The following BCAS3 variants were observed in gnomAD, a reference collection of about 807,000 sequenced individuals.
BCAS3 encodes BCAS4/BCAS3 fusion.
Under a neutral mutation model 116.1 loss-of-function variants are expected in BCAS3, and 53 were observed. The observed-to-expected ratio is 0.46, with a 90% CI of 0.37 to 0.57. The LOEUF is 0.57. BCAS3 is among the 20% of genes least tolerant of loss of function. The pLI is 0.00. For synonymous variants in BCAS3, 391 were observed against 408.2 expected, an observed-to-expected ratio of 0.96 and a Z score of 0.51; for missense variants, 917 against 1,165.4, an observed-to-expected ratio of 0.79 and a Z score of 3.10.
chr17:61,152,767 C>G (rs1382915730), intron 22 of BCAS3, among the ~76,000 whole-genome samples: 1 of 151,978 alleles, frequency 6.6e-6, no homozygotes, highest in Non-Finnish European at 1.5e-5. Flanking sequence ...TCTCCTTCCT[C>G]AAAGGACCCT....
chr17:61,311,183 A>C (rs1322003043), intron 22 of BCAS3, among the ~76,000 whole-genome samples: 1 of 152,198 alleles, frequency 6.6e-6, no homozygotes, highest in Non-Finnish European at 1.5e-5. Context: ...CACATATCTT[A>C]TGTGAATGTG....
Position 61,364,824 on chromosome 17 carries a change from CT to C in BCAS3, c.2426-3502del, listed in dbSNP as rs2058641862. On this transcript the variant is annotated intron_variant, in intron 22 of 23. Coordinates refer to ENST00000407086, the MANE Select transcript of BCAS3 (RefSeq NM_017679.5). This position sits in a 1 kb window ranked among gnomAD's most constrained non-coding sequence, Gnocchi z 5.4. ...AGAAACCCTTGTTCCAGATCTGTTG[CT>C]CAGAGACTTTGAACATGTCACGTAA... Among the ~76,000 whole-genome samples the C allele has an allele frequency of 6.6e-6, 1 of 152,232 alleles. No homozygotes were observed. Among genetic ancestry groups the C allele is most frequent in the Non-Finnish European group, 1.5e-5 (1 of 68,038 alleles).
intron 7 of BCAS3, among the ~76,000 whole-genome samples, chr17:60,839,904 A>G (rs1203687750): frequency 6.6e-6 from 1 of 152,194 alleles, no homozygotes; most frequent in Non-Finnish European, 1.5e-5. Context: ...CGCTTTTCCT[A>G]ATTTTGTTTC....
At position 60,962,450 on chromosome 17, in the gene BCAS3, T is replaced by C. The variant is rs2061458094; in HGVS notation, c.1221+15098T>C. On this transcript the variant is annotated intron_variant, in intron 14 of 23. Transcript: ENST00000407086. The surrounding 1 kb of genome is among the most constrained non-coding windows in gnomAD (Gnocchi z 4.4). ...GATGACTAGTGATGTTGAGCATTTT[T>C]TTTCATATACCTATTGGCCATTTGC... 6.6e-6 allele frequency among the ~76,000 whole-genome samples: 1 copy of C among 152,220 alleles called. No homozygotes were observed. Among genetic ancestry groups the C allele is most frequent in the Non-Finnish European group, 1.5e-5 (1 of 68,036 alleles).
chr17:61,040,001 G>A (rs537577454), intron 18 of BCAS3, among the ~76,000 whole-genome samples: 5 of 152,192 alleles, frequency 3.3e-5, no homozygotes, highest in South Asian at 2.1e-4. Context: ...CATCTCAAAC[G>A]TGCATAATGA....
chr17:60,797,778 G>C (rs1351303512), intron 6 of BCAS3, among the ~76,000 whole-genome samples: 1 of 152,084 alleles, frequency 6.6e-6, no homozygotes, highest in African/African-American at 2.4e-5. Context: ...GTGAGAACAC[G>C]TGGTGTTTTA....
intron 22 of BCAS3, among the ~76,000 whole-genome samples, chr17:61,176,579 AGAT>A (rs1466999467): frequency 2.0e-5 from 3 of 151,388 alleles, no homozygotes; most frequent in Non-Finnish European, 2.9e-5. Flanking sequence ...GTATTTAGAG[AGAT>A]GGTCTTGCTG....
intron 19 of BCAS3, among the ~76,000 whole-genome samples, chr17:61,043,929 T>C (rs764938985): frequency 6.6e-6 from 1 of 152,096 alleles, no homozygotes; most frequent in Non-Finnish European, 1.5e-5. Flanking sequence ...GAGGTGCTCA[T>C]TAAAATTTTC....
intron 22 of BCAS3, among the ~76,000 whole-genome samples, chr17:61,350,457 T>TAAA (rs2057767733): frequency 4.6e-5 from 7 of 150,554 alleles, no homozygotes; most frequent in East Asian, 3.9e-4. Context: ...AATAAATAAA[T>TAAA]TTTATTGTAT....
At chr17:61,275,548 C>T in intron 22 of BCAS3, among the ~76,000 whole-genome samples, 1 of 152,164 alleles carries the variant, frequency 6.6e-6, no homozygotes, top group South Asian at 2.1e-4. Flanking sequence ...GTCGCCCAGG[C>T]TGGAGTGCAG....
At chr17:60,937,260 T>C (rs2059984223) in intron 13 of BCAS3, among the ~76,000 whole-genome samples, 1 of 152,052 alleles carries the variant, frequency 6.6e-6, no homozygotes, top group African/African-American at 2.4e-5. Context: ...CTTCTCTGAA[T>C]GGTGCGTTTT....
At chr17:60,712,325 A>G (rs2038032112) in intron 5 of BCAS3, among the ~76,000 whole-genome samples, 1 of 151,900 alleles carries the variant, frequency 6.6e-6, no homozygotes, top group Non-Finnish European at 1.5e-5. Context: ...GCAGTGAGCC[A>G]TGATTATGCC....
chr17:61,163,083 A>G (rs915426378), intron 22 of BCAS3, among the ~76,000 whole-genome samples: 2 of 152,192 alleles, frequency 1.3e-5, no homozygotes, highest in Non-Finnish European at 2.9e-5. Context: ...TGTTGTTCCT[A>G]CTAAATGAGT....
intron 22 of BCAS3, among the ~76,000 whole-genome samples, chr17:61,093,717 A>T (rs2143611597): frequency 6.6e-6 from 1 of 152,260 alleles, no homozygotes; most frequent in South Asian, 2.1e-4. Flanking sequence ...CCTTTTTAAA[A>T]TTTTTATTTT....
intron 5 of BCAS3, among the ~76,000 whole-genome samples, chr17:60,718,984 C>T (rs953320711): frequency 6.6e-6 from 1 of 152,210 alleles, no homozygotes; most frequent in Middle Eastern, 3.4e-3. Context: ...ATGGCGTGAT[C>T]CCAGGAAGCG....
At chr17:61,312,908 A>G (rs1200201355) in intron 22 of BCAS3, among the ~76,000 whole-genome samples, 2 of 152,220 alleles carry the variant, frequency 1.3e-5, no homozygotes, top group African/African-American at 4.8e-5. Flanking sequence ...AAGTGGGCAT[A>G]ACCGAAGACT....
chr17:61,310,986 T>A (rs979167290), intron 22 of BCAS3, among the ~76,000 whole-genome samples: 1 of 152,210 alleles, frequency 6.6e-6, no homozygotes, highest in Non-Finnish European at 1.5e-5. Flanking sequence ...TGTGTCACTT[T>A]GAGCAAGTTA....
intron 16 of BCAS3, among the ~76,000 whole-genome samples, chr17:61,025,558 G>C (rs1427344942): frequency 6.6e-6 from 1 of 151,996 alleles, no homozygotes; most frequent in Non-Finnish European, 1.5e-5. Context: ...GCACATACCA[G>C]CTTACACCTT....
intron 14 of BCAS3, among the ~76,000 whole-genome samples, chr17:60,971,609 A>G (rs374039127): frequency 1.3e-5 from 2 of 152,232 alleles, no homozygotes; most frequent in Non-Finnish European, 2.9e-5. Flanking sequence ...TAGCTGAGCC[A>G]TCAGTCAATC....
Sources: allele counts gnomAD v4.1 joint callset (sites outside exome capture counted in the v4.1 genomes callset), GRCh38; gene constraint gnomAD v4.1.1; non-coding constraint Gnocchi (gnomAD v3.1); transcripts MANE v1.5; gene names NCBI Gene and HGNC (gene_info 2026-07-23, HGNC 2026-07-21).